The following BEND7 variants were observed in gnomAD, a reference collection of about 807,000 sequenced individuals.
The protein encoded by BEND7 is BEN domain-containing protein 7.
BEND7 carries 28 observed loss-of-function variants against 50.9 expected under a neutral mutation model. The observed-to-expected ratio is 0.55, with a 90% CI of 0.41 to 0.75. BEND7 has a LOEUF of 0.75. BEND7 is among the 30% of genes least tolerant of loss of function. The pLI is 0.00. For synonymous variants in BEND7, 170 were observed against 183.9 expected (o/e 0.92, Z 0.61); for missense variants, 477 against 491.3 (o/e 0.97, Z 0.28).
At chr10:13,525,100 T>G (rs2079361414) in intron 2 of BEND7, among the ~76,000 whole-genome samples, 2 of 152,200 alleles carry the variant, frequency 1.3e-5, no homozygotes, top group South Asian at 4.1e-4. Context: ...GTTCTCGCTC[T>G]GACCTCTCTC....
chr10:13,501,904 T>C (rs549564718), intron 2 of BEND7, among the ~76,000 whole-genome samples: 2 of 151,852 alleles, frequency 1.3e-5, no homozygotes, highest in African/African-American at 2.4e-5. Context: ...GCAGTTACTC[T>C]AATAAATGCT....
intron 6 of BEND7, among the ~76,000 whole-genome samples, chr10:13,453,225 A>G (rs1838175496): frequency 6.6e-6 from 1 of 151,874 alleles, no homozygotes; most frequent in Non-Finnish European, 1.5e-5. Flanking sequence ...AAAGGGGACT[A>G]AGGAGAACCC....
chr10:13,529,150 C>T (rs2079581511), upstream of BEND7, among the ~76,000 whole-genome samples: 1 of 143,718 alleles, frequency 7.0e-6, no homozygotes, highest in Non-Finnish European at 1.5e-5. Context: ...CGCCGCCGGC[C>T]TGGCCGCGCG....
intron 5 of BEND7, 91 bp from the exon 6 acceptor site, chr10:13,481,215 T>G (rs546168042): frequency 8.6e-7 from 1 of 1,167,820 alleles, no homozygotes; most frequent in Non-Finnish European, 1.2e-6. Context: ...CACTAGCTAC[T>G]GAAATGTACA....
chr10:13,529,141 G>A (rs944054534), upstream of BEND7, among the ~76,000 whole-genome samples: 9 of 144,544 alleles, frequency 6.2e-5, 1 homozygote, highest in African/African-American at 9.9e-5. Flanking sequence ...CCCGGGGGCC[G>A]CCGCCGGCCT....
At position 13,528,601 on chromosome 10, in the gene BEND7, CGG is replaced by C; in HGVS notation, c.-70_-69del. ...GCGGCGGCAGCGGCAGCGGCGGCAG[CGG>C]CAGCGGCGGCGCGGGCTCGTGTCAC... is the stretch of plus-strand genomic sequence containing the variant. On this transcript the variant is annotated 5_prime_UTR_variant, in exon 1 of 9. Transcript: ENST00000466271. 1.4e-6 allele frequency: 1 copy of C among 728,678 alleles called. No individual in the cohort carries two copies. Among genetic ancestry groups the C allele is most frequent in the Non-Finnish European group, 1.6e-6 (1 of 636,786 alleles). The allele number at this position is 728,678 out of a possible 1,614,324, so 45.1% of individuals were successfully genotyped here.
At chr10:13,505,011 G>A (rs1334003842) in intron 2 of BEND7, among the ~76,000 whole-genome samples, 2 of 152,240 alleles carry the variant, frequency 1.3e-5, no homozygotes, top group Admixed American at 6.5e-5. Context: ...GATCCACTAC[G>A]TGGAACACGA....
intron 1 of BEND7, among the ~76,000 whole-genome samples, chr10:13,526,634 T>C (rs1018977368): frequency 2.6e-5 from 4 of 152,176 alleles, no homozygotes; most frequent in Admixed American, 2.0e-4. Context: ...GCACTCTAGT[T>C]TTCTCAGTTT....
At position 13,448,722 on chromosome 10, in the gene BEND7, G is replaced by A. The variant is rs1444781345; in HGVS notation, c.1184-1406C>T. ...GATTAGATTAGCAACTGCTAAAAAT[G>A]ATGTTGTATTTGGGAGGCCGAGGCG... is the stretch of plus-strand genomic sequence containing the variant. On this transcript the variant is annotated intron_variant, in intron 7 of 8. Transcript: ENST00000466271. 2.6e-5 allele frequency among the ~76,000 whole-genome samples: 4 copies of A among 152,100 alleles called. No individual in the cohort carries two copies. In the East Asian group the frequency reaches 7.7e-4, roughly 29 times the overall value.
At chr10:13,446,888 G>GA (rs2130899585) in intron 8 of BEND7, 1 of 281,034 alleles carries the variant, frequency 3.6e-6, no homozygotes, top group African/African-American at 2.3e-5. Context: ...GAGGAGGTGG[G>GA]AGAGGACAGC....
chr10:13,485,747 C>T (rs1289844488), intron 5 of BEND7, among the ~76,000 whole-genome samples: 1 of 152,168 alleles, frequency 6.6e-6, no homozygotes, highest in Non-Finnish European at 1.5e-5. Flanking sequence ...CACAAACCTC[C>T]CCCATAATTG....
chr10:13,455,553 A>T (rs1838761226), intron 6 of BEND7, among the ~76,000 whole-genome samples: 1 of 152,046 alleles, frequency 6.6e-6, no homozygotes, highest in South Asian at 2.1e-4. Flanking sequence ...GGGCTGAGGG[A>T]CAGGGACTTG....
chr10:13,476,276 A>C (rs1273480986), intron 6 of BEND7, among the ~76,000 whole-genome samples: 1 of 152,158 alleles, frequency 6.6e-6, no homozygotes, highest in Non-Finnish European at 1.5e-5. Context: ...TAAGAAGCGC[A>C]GTTATTTTTT....
downstream of BEND7, chr10:13,438,957 G>A (rs1835036816): frequency 7.4e-6 from 4 of 537,780 alleles, no homozygotes; most frequent in Non-Finnish European, 1.3e-5. Context: ...AGCACTGGGA[G>A]GCCAGGACTC....
At chr10:13,515,326 C>T (rs2078587030) in intron 2 of BEND7, among the ~76,000 whole-genome samples, 1 of 152,202 alleles carries the variant, frequency 6.6e-6, no homozygotes, top group African/African-American at 2.4e-5. Context: ...AATGTCTCAT[C>T]ACACATTTGG....
intron 6 of BEND7, among the ~76,000 whole-genome samples, chr10:13,461,082 G>A (rs539720211): frequency 7.9e-5 from 12 of 152,298 alleles, no homozygotes; most frequent in Admixed American, 3.9e-4. Flanking sequence ...AGTGGGTAGC[G>A]GGGAAAGCTT....
At chr10:13,464,758 G>C (rs147040973) in intron 6 of BEND7, among the ~76,000 whole-genome samples, 236 of 152,330 alleles carry the variant, frequency 1.5e-3, no homozygotes, top group African/African-American at 5.5e-3. Flanking sequence ...TCGTTCTTCA[G>C]TCTGTGAACA....
At chr10:13,508,154 C>T (rs2078028603) in intron 2 of BEND7, among the ~76,000 whole-genome samples, 1 of 152,168 alleles carries the variant, frequency 6.6e-6, no homozygotes, top group South Asian at 2.1e-4. Context: ...CTGAGGCTGG[C>T]ACCTCTTTCC....
chr10:13,475,702 G>T (rs1357692424), intron 6 of BEND7, among the ~76,000 whole-genome samples: 1 of 82,488 alleles, frequency 1.2e-5, no homozygotes, highest in Non-Finnish European at 2.5e-5. Flanking sequence ...AATTTATAAA[G>T]AATCCAAATG....
Sources: gnomAD v4.1 joint callset for allele counts (sites outside exome capture counted in the v4.1 genomes callset) on GRCh38, gnomAD v4.1.1 for gene constraint, MANE v1.5 for transcripts, NCBI Gene and HGNC (gene_info 2026-07-23, HGNC 2026-07-21) for gene names.